Variants in NUP188 observed in about 807,000 individuals in gnomAD.
The protein encoded by NUP188 is nucleoporin 188, also known as nucleoporin NUP188.
Under a neutral mutation model 223.0 loss-of-function variants are expected in NUP188, and 97 were observed. The ratio of observed to expected loss-of-function variants is 0.43; its 90% confidence interval spans 0.37 to 0.51. The LOEUF (loss-of-function observed/expected upper bound fraction) is 0.51. NUP188 is among the 20% of genes least tolerant of loss of function. NUP188 has a pLI of 0.00. For missense variants in NUP188, 1,947 were observed against 2,175.6 expected (o/e 0.89, Z 2.09); for synonymous variants, 869 against 828.0 (o/e 1.05, Z -0.85).
chr9:129,003,488 G>T (rs991614140), intron 38 of NUP188, 34 bp downstream of exon 38: 4 of 1,602,404 alleles, frequency 2.5e-6, no homozygotes, highest in Non-Finnish European at 1.7e-6. Context: ...GGAGTCTGGG[G>T]TAATGCTTGG....
In NUP188 at chr9:128,994,846, A is replaced by G. The variant is rs17481317; in HGVS notation, c.3088-10A>G. The G allele has an allele frequency of 0.011, 18,424 of 1,611,870 alleles. 1,002 individuals carry two copies. In the African/African-American group the frequency reaches 0.15, roughly 13 times the overall value. Reference sequence around the variant, plus strand: ...AGATGTGATAATTGCCTGTTCTGCTATCTCCACAGCCCAGCATCCTGGAAA... The same window carrying G: ...AGATGTGATAATTGCCTGTTCTGCTGTCTCCACAGCCCAGCATCCTGGAAA... On this transcript the variant is annotated splice_polypyrimidine_tract_variant and intron_variant, in intron 28 of 43. Coordinates refer to ENST00000372577, the MANE Select transcript of NUP188 (RefSeq NM_015354.3).
At chr9:128,971,578 C>T (rs1222499343) in intron 11 of NUP188, among the ~76,000 whole-genome samples, 2 of 151,886 alleles carry the variant, frequency 1.3e-5, no homozygotes, top group Non-Finnish European at 2.9e-5. Context: ...GCCACAACGC[C>T]TAGCTAATTT....
chr9:128,970,726 G>T, intron 10 of NUP188, 32 bp from the exon 11 acceptor site: 1 of 1,580,022 alleles, frequency 6.3e-7, no homozygotes, highest in Non-Finnish European at 8.7e-7. Context: ...CTTTCTGTTC[G>T]GAGATGTAGA....
chr9:128,999,076 C>T (rs1275231339), intron 32 of NUP188, 96 bp from the exon 33 acceptor site: 1 of 958,666 alleles, frequency 1.0e-6, no homozygotes, highest in Non-Finnish European at 1.6e-6. Context: ...TGGTCTCGAA[C>T]TCCTGACCTC....
chr9:128,951,306 C>CA (rs34863865), intron 2 of NUP188, among the ~76,000 whole-genome samples: 1,052 of 86,028 alleles, frequency 0.012, 15 homozygotes, highest in African/African-American at 0.037. Context: ...GACTCCATCT[C>CA]AAAAAAAAAA....
intron 5 of NUP188, among the ~76,000 whole-genome samples, chr9:128,957,744 G>A (rs996657596): frequency 2.0e-5 from 3 of 152,120 alleles, no homozygotes; most frequent in African/African-American, 4.8e-5. Context: ...GATTACAGGC[G>A]TGAGCCACCG....
Position 128,981,361 on chromosome 9 carries a change from G to C in NUP188, c.1487G>C (p.Arg496Thr). The change falls in exon 15 of 44, where the codon AGA becomes ACA. Residue 496 changes from arginine (R) to threonine (T), a missense_variant. Physicochemically the swap from Arg to Thr is moderately conservative, Grantham distance 71 (BLOSUM62 -1). Transcript: ENST00000372577. ...ISHEDGTLWRRQTPKLLYPLG... is the reference protein window; with the variant it reads ...ISHEDGTLWRTQTPKLLYPLG... The stretch of plus-strand genomic sequence containing the variant: ...CATGAAGATGGAACTCTTTGGCGGA[G>C]ACAAACACCCAAACTCCTTTATCCC... 1 of 1,613,682 alleles carries C rather than the reference G, an allele frequency of 6.2e-7. No individual in the cohort carries two copies. Among genetic ancestry groups the C allele is most frequent in the Non-Finnish European group, 8.5e-7 (1 of 1,179,892 alleles).
chr9:128,980,098 C>T (rs1842235297), intron 13 of NUP188, among the ~76,000 whole-genome samples: 1 of 152,178 alleles, frequency 6.6e-6, no homozygotes, highest in Non-Finnish European at 1.5e-5. Flanking sequence ...CAATTTCTCA[C>T]CAGTACTTGC....
chr9:128,981,444 GCT>G, intron 15 of NUP188, 54 bp downstream of exon 15: 1 of 1,540,640 alleles, frequency 6.5e-7, no homozygotes. Context: ...TTGATGTCTT[GCT>G]CTGTCACCCA....
At chr9:128,999,114 A>C in intron 32 of NUP188, 58 bp from the exon 33 acceptor site, 1 of 1,513,910 alleles carries the variant, frequency 6.6e-7, no homozygotes, top group Non-Finnish European at 9.1e-7. Context: ...TGGCCTCCCA[A>C]AGTGCTAGGA....
At position 128,999,291 on chromosome 9, in the gene NUP188, C is replaced by T; in HGVS notation, c.3635C>T (p.Thr1212Ile). The stretch of plus-strand genomic sequence containing the variant: ...GCCAAGGTGTTCTCAGCATTCATCA[C>T]AGTGTTGCAAATGAAGGAGATGAAA... ...TKAKVFSAFI[T>I]VLQMKEMKVS... The change falls in exon 33 of 44, where the codon ACA (threonine) becomes ATA (isoleucine). Residue 1212 changes from threonine (T) to isoleucine (I), a missense_variant. By Grantham distance (89) the Thr-to-Ile change is moderately conservative. Around this residue, in one of 3 missense-constraint regions of NUP188, gnomAD observed 905 missense variants for 990.6 expected, o/e 0.91. Coordinates refer to ENST00000372577, the MANE Select transcript of NUP188 (RefSeq NM_015354.3). 2 of 1,614,172 alleles carry T rather than the reference C, an allele frequency of 1.2e-6. No homozygotes were observed. The highest frequency in any genetic ancestry group is 1.7e-6 in the Non-Finnish European group (2 of 1,180,032).
chr9:128,995,376 C>G lies in NUP188; in HGVS notation c.3213C>G (p.Arg1071=), dbSNP rs931214920. The stretch of plus-strand genomic sequence containing the variant: ...TGAAGAAATTTTCCATCGAGAAACG[C>G]TTTGCCTACTGGTCAGGGTATGTCA... The part of the protein sequence containing the change: ...DTLKKFSIEK[R]FAYWSGYVKS... Residue 1071 remains arginine, a synonymous_variant, in exon 30 of 44, where the codon CGC becomes CGG. Coordinates refer to ENST00000372577, the MANE Select transcript of NUP188 (RefSeq NM_015354.3). 1.2e-6 allele frequency: 2 copies of G among 1,614,178 alleles called. No individual in the cohort carries two copies. The highest frequency in any genetic ancestry group is 1.7e-6 in the Non-Finnish European group (2 of 1,180,008).
chr9:129,006,197 T>C (rs1842796701), intron 42 of NUP188, 42 bp from the exon 43 acceptor site: 6 of 1,614,144 alleles, frequency 3.7e-6, no homozygotes, highest in Non-Finnish European at 4.2e-6. Flanking sequence ...TTGGCCAGCC[T>C]GGCCCTCTGC....
intron 7 of NUP188, 51 bp from the exon 8 acceptor site, chr9:128,958,964 G>A (rs1841907837): frequency 7.1e-7 from 1 of 1,405,118 alleles, no homozygotes; most frequent in Non-Finnish European, 9.7e-7. Context: ...ATATTTATTT[G>A]AATATTTACC....
rs751282589 is a variant in NUP188, at chr9:128,994,876, T to C, written c.3108T>C (p.Cys1036=). The C allele has an allele frequency of 7.4e-6, 12 of 1,613,922 alleles. No individual in the cohort carries two copies. Among genetic ancestry groups the C allele is most frequent in the Non-Finnish European group, 9.3e-6 (11 of 1,179,774 alleles). The change falls in exon 29 of 44, where the codon TGT becomes TGC. Residue 1036 remains cysteine (C), a synonymous_variant. Coordinates refer to ENST00000372577, the MANE Select transcript of NUP188 (RefSeq NM_015354.3). ...CACAGCCCAGCATCCTGGAAACCTG[T>C]GCCCTAATCATGAAGATAATTTGCT... ...ETSEPSILET[C]ALIMKIICLE...
rs1232240288 is a variant in NUP188, at chr9:128,983,517, C to T, written c.1928C>T (p.Ala643Val). ...LRHTGFLPFV[A>V]HPVSSLSQMI... ...CACACAGGTTTTTTACCATTTGTGGCCCATCCTGTCTCCAGCCTGAGTCAG... is the reference window on the plus strand; with the variant it reads ...CACACAGGTTTTTTACCATTTGTGGTCCATCCTGTCTCCAGCCTGAGTCAG... Residue 643 changes from alanine (A) to valine (V), a missense_variant, in exon 19 of 44, where the codon GCC becomes GTC. This residue lies in a region of NUP188 where 817 missense variants were observed against 865.8 expected (regional missense o/e 0.94). Coordinates refer to ENST00000372577, the MANE Select transcript of NUP188 (RefSeq NM_015354.3). 2.7e-5 allele frequency: 44 copies of T among 1,614,122 alleles called. No homozygotes were observed. The highest frequency in any genetic ancestry group is 3.6e-5 in the Non-Finnish European group (43 of 1,179,972).
chr9:128,981,202 T>C, intron 14 of NUP188, 62 bp from the exon 15 acceptor site: 4 of 1,586,240 alleles, frequency 2.5e-6, no homozygotes, highest in East Asian at 2.3e-5. Flanking sequence ...AAGAGCAGAC[T>C]GTGGGACCTC....
intron 20 of NUP188, among the ~76,000 whole-genome samples, chr9:128,985,521 A>G: frequency 6.6e-6 from 1 of 152,198 alleles, no homozygotes; most frequent in East Asian, 1.9e-4. Flanking sequence ...ATACTGACAT[A>G]GAGCATAAAT....
Position 129,005,489 on chromosome 9 carries a change from C to T in NUP188, c.4696C>T (p.Arg1566Cys), listed in dbSNP as rs757746777. 96 of 1,605,838 alleles carry T rather than the reference C, an allele frequency of 6.0e-5. No homozygotes were observed. The highest frequency in any genetic ancestry group is 7.5e-5 in the Non-Finnish European group (88 of 1,180,000). ...CCTCAGCAAGACGCTGGCAGCCCTG[C>T]GCCACTTCACCCCAGATGTCTGCCA... is the stretch of plus-strand genomic sequence containing the variant. ...KILSKTLAAL[R>C]HFTPDVCQIL... Residue 1566 changes from arginine (R) to cysteine (C), a missense_variant, in exon 40 of 44, where the codon CGC becomes TGC. Coordinates refer to ENST00000372577, the MANE Select transcript of NUP188 (RefSeq NM_015354.3).
Sources: gnomAD v4.1 joint callset for allele counts (sites outside exome capture counted in the v4.1 genomes callset) on GRCh38, gnomAD v4.1.1 for gene constraint, gnomAD v4.1.1 regional missense constraint, MANE v1.5 for transcripts, NCBI Gene and HGNC (gene_info 2026-07-23, HGNC 2026-07-21) for gene names.